Variants in ALCAM observed in about 807,000 individuals in gnomAD.
The protein encoded by ALCAM is CD166 antigen.
ALCAM carries 30 observed loss-of-function variants against 70.9 expected under a neutral mutation model. The observed-to-expected ratio is 0.42, with a 90% confidence interval of 0.32 to 0.57. ALCAM has a LOEUF of 0.57. Among genes scored for constraint, ALCAM ranks in the 20% least tolerant of loss-of-function variants. The pLI is 0.11. For synonymous variants in ALCAM, 249 were observed against 242.5 expected (o/e 1.03, Z -0.25); for missense variants, 591 against 695.1 (o/e 0.85, Z 1.68).
chr3:105,553,075 T>C, intron 14 of ALCAM: 1 of 987,996 alleles, frequency 1.0e-6, no homozygotes. Context: ...CATATAAGAG[T>C]CTATATCAGA....
At chr3:105,493,673 T>C (rs1260118158) in intron 1 of ALCAM, among the ~76,000 whole-genome samples, 3 of 152,160 alleles carry the variant, frequency 2.0e-5, no homozygotes, top group East Asian at 3.8e-4. Flanking sequence ...GATTCTCCCA[T>C]AGAGTCTCCA....
intron 12 of ALCAM, among the ~76,000 whole-genome samples, chr3:105,551,201 G>A (rs923734610): frequency 6.6e-6 from 1 of 151,620 alleles, no homozygotes; most frequent in Non-Finnish European, 1.5e-5. Flanking sequence ...GGATTGACAG[G>A]ATAAAAGAAC....
intron 1 of ALCAM, among the ~76,000 whole-genome samples, chr3:105,394,650 A>C (rs1035610041): frequency 6.6e-6 from 1 of 151,998 alleles, no homozygotes; most frequent in Non-Finnish European, 1.5e-5. Context: ...CTACTCCTGA[A>C]AATATTTTTT....
intron 14 of ALCAM, among the ~76,000 whole-genome samples, chr3:105,563,659 A>G (rs1940677072): frequency 8.1e-6 from 1 of 123,936 alleles, no homozygotes; most frequent in Non-Finnish European, 1.6e-5. Flanking sequence ...ATGAAATTCC[A>G]AGCATTTCTT....
chr3:105,473,559 A>C (rs1341416038), intron 1 of ALCAM, among the ~76,000 whole-genome samples: 1 of 151,684 alleles, frequency 6.6e-6, no homozygotes, highest in East Asian at 1.9e-4. Flanking sequence ...ACAAACTGGT[A>C]AACATAGCTG....
Position 105,439,918 on chromosome 3 carries a change from A to G in ALCAM, c.73+72437A>G, listed in dbSNP as rs548248353. 5.2e-4 allele frequency among the ~76,000 whole-genome samples: 79 copies of G among 152,358 alleles called. 1 individual carries two copies. In the South Asian group the frequency reaches 0.016, roughly 32 times the overall value. Reference sequence around the variant, plus strand: ...ACTGTTGTTGATATTTGGCTATAACATAAGAGGAAAAGTGTGCTTATAGAG... The same window carrying G: ...ACTGTTGTTGATATTTGGCTATAACGTAAGAGGAAAAGTGTGCTTATAGAG... On this transcript the variant is annotated intron_variant, in intron 1 of 15. Coordinates refer to ENST00000306107, the MANE Select transcript of ALCAM (RefSeq NM_001627.4).
chr3:105,379,306 A>T (rs1935454357), intron 1 of ALCAM, among the ~76,000 whole-genome samples: 1 of 152,062 alleles, frequency 6.6e-6, no homozygotes, highest in East Asian at 1.9e-4. Context: ...ATTGAGAAAT[A>T]TTTCAGTTCC....
intron 1 of ALCAM, among the ~76,000 whole-genome samples, chr3:105,389,168 ACATT>A (rs1466181994): frequency 6.6e-6 from 1 of 151,528 alleles, no homozygotes; most frequent in Non-Finnish European, 1.5e-5. Context: ...CAAATATGAC[ACATT>A]CAAACAGAAA....
chr3:105,572,500 T>C (rs1940880260), intron 15 of ALCAM, among the ~76,000 whole-genome samples: 1 of 152,234 alleles, frequency 6.6e-6, no homozygotes, highest in Non-Finnish European at 1.5e-5. Context: ...GCCTTTGGGT[T>C]GGTTCCAAGT....
intron 1 of ALCAM, among the ~76,000 whole-genome samples, chr3:105,419,665 T>G (rs918694994): frequency 1.5e-4 from 23 of 151,806 alleles, no homozygotes; most frequent in African/African-American, 5.6e-4. Context: ...AGGGAATTTT[T>G]TAAAAATATG....
chr3:105,467,698 A>G (rs1180189123), intron 1 of ALCAM, among the ~76,000 whole-genome samples: 1 of 151,176 alleles, frequency 6.6e-6, no homozygotes, highest in Non-Finnish European at 1.5e-5. Flanking sequence ...CTACATTTTC[A>G]TGTTGGTTCT....
intron 14 of ALCAM, chr3:105,553,226 G>C (rs1940451252): frequency 1.6e-6 from 1 of 606,740 alleles, no homozygotes; most frequent in South Asian, 7.3e-5. Context: ...TTATCTAACA[G>C]TGGTTTATAA....
At chr3:105,435,714 T>A (rs1260312307) in intron 1 of ALCAM, among the ~76,000 whole-genome samples, 1 of 152,246 alleles carries the variant, frequency 6.6e-6, no homozygotes, top group Non-Finnish European at 1.5e-5. Context: ...ATTGCTTCAC[T>A]TGTGTATTAG....
At chr3:105,466,302 G>T (rs1161017330) in intron 1 of ALCAM, among the ~76,000 whole-genome samples, 3 of 151,398 alleles carry the variant, frequency 2.0e-5, no homozygotes, top group African/African-American at 7.3e-5. Flanking sequence ...GGATGAATAA[G>T]CCAGTGTCAC....
intron 14 of ALCAM, among the ~76,000 whole-genome samples, chr3:105,559,244 T>A (rs1940581255): frequency 6.8e-6 from 1 of 147,994 alleles, no homozygotes; most frequent in Non-Finnish European, 1.5e-5. Context: ...TGTGTACGTA[T>A]AACATATATA....
chr3:105,450,031 T>C (rs924665405), intron 1 of ALCAM, among the ~76,000 whole-genome samples: 14 of 151,430 alleles, frequency 9.2e-5, no homozygotes, highest in African/African-American at 2.9e-4. Context: ...TATGTGTCTT[T>C]GAATCAAAAA....
intron 1 of ALCAM, among the ~76,000 whole-genome samples, chr3:105,403,045 C>T (rs530078377): frequency 2.0e-5 from 3 of 147,870 alleles, no homozygotes; most frequent in Admixed American, 6.9e-5. Flanking sequence ...TTCCTGGGTT[C>T]AAGTGATACT....
At chr3:105,376,509 G>T (rs1935382156) in intron 1 of ALCAM, among the ~76,000 whole-genome samples, 3 of 152,150 alleles carry the variant, frequency 2.0e-5, no homozygotes. Flanking sequence ...TATTAATGGA[G>T]TGCTCAGTAT....
intron 1 of ALCAM, among the ~76,000 whole-genome samples, chr3:105,433,511 T>G (rs1936983611): frequency 6.6e-6 from 1 of 152,156 alleles, no homozygotes; most frequent in Admixed American, 6.6e-5. Context: ...GCTGATACAC[T>G]GAACACTGGA....
Sources: gnomAD v4.1 joint callset for allele counts (sites outside exome capture counted in the v4.1 genomes callset) on GRCh38, gnomAD v4.1.1 for gene constraint, MANE v1.5 for transcripts, NCBI Gene and HGNC (gene_info 2026-07-23, HGNC 2026-07-21) for gene names.